Variants in RNLS observed in about 807,000 individuals in gnomAD.
The protein encoded by RNLS is renalase, FAD dependent amine oxidase.
A neutral mutation model predicts 39.8 loss-of-function variants in RNLS; 39 were observed. That is an observed-to-expected ratio of 0.98 (90% CI 0.76 to 1.28). The LOEUF is 1.28. Ranked by LOEUF, RNLS falls within the 50% of genes most tolerant of loss-of-function variation. RNLS has a pLI of 0.00. For synonymous variants in RNLS, 147 were observed against 150.7 expected, an observed-to-expected ratio of 0.98 and a Z score of 0.18; for missense variants, 410 against 413.3, an observed-to-expected ratio of 0.99 and a Z score of 0.07.
chr10:88,428,639 G>A (rs1232216272), intron 4 of RNLS, among the ~76,000 whole-genome samples: 1 of 151,570 alleles, frequency 6.6e-6, no homozygotes, highest in Non-Finnish European at 1.5e-5. Context: ...GATTGCCAGA[G>A]ATCCATTACT....
At chr10:88,447,081 C>A (rs1400922033) in intron 4 of RNLS, among the ~76,000 whole-genome samples, 1 of 152,226 alleles carries the variant, frequency 6.6e-6, no homozygotes, top group Non-Finnish European at 1.5e-5. Flanking sequence ...AAACTGGAAG[C>A]ATTCCCTTTG....
intron 4 of RNLS, among the ~76,000 whole-genome samples, chr10:88,422,170 T>C (rs947647218): frequency 6.6e-6 from 1 of 152,212 alleles, no homozygotes. Context: ...CATTAAATGA[T>C]AGCTCCAAAT....
At chr10:88,511,660 T>C (rs754812370) in intron 4 of RNLS, among the ~76,000 whole-genome samples, 2 of 151,866 alleles carry the variant, frequency 1.3e-5, no homozygotes, top group Non-Finnish European at 2.9e-5. Flanking sequence ...CAAGAGAAGT[T>C]AAGAAGGATG....
chr10:88,530,867 C>T (rs1222321467), intron 4 of RNLS, among the ~76,000 whole-genome samples: 1 of 151,866 alleles, frequency 6.6e-6, no homozygotes, highest in African/African-American at 2.4e-5. Flanking sequence ...ACATGCCAAA[C>T]GAATGAACAA....
downstream of RNLS, among the ~76,000 whole-genome samples, chr10:88,281,840 T>G (rs1843020518): frequency 6.6e-6 from 1 of 152,048 alleles, no homozygotes; most frequent in Non-Finnish European, 1.5e-5. Flanking sequence ...TGCATTCATA[T>G]TCCCGGTTTT....
chr10:88,303,220 G>A (rs1014849235), intron 6 of RNLS, among the ~76,000 whole-genome samples: 4 of 152,258 alleles, frequency 2.6e-5, no homozygotes, highest in African/African-American at 7.2e-5. Context: ...GGTAGGGGCA[G>A]CAAGCCAGCT....
At chr10:88,294,959 A>G (rs909405599) in intron 6 of RNLS, among the ~76,000 whole-genome samples, 2 of 151,758 alleles carry the variant, frequency 1.3e-5, no homozygotes, top group Non-Finnish European at 2.9e-5. Context: ...GCTATTAACC[A>G]CCTTCTCTTT....
chr10:88,364,714 G>C (rs1345875051), intron 4 of RNLS, among the ~76,000 whole-genome samples: 2 of 151,998 alleles, frequency 1.3e-5, no homozygotes, highest in Admixed American at 1.3e-4. Context: ...CTTATTAAAA[G>C]CTGTAACTAC....
chr10:88,298,807 CA>C (rs1844287569), intron 6 of RNLS, among the ~76,000 whole-genome samples: 1 of 152,060 alleles, frequency 6.6e-6, no homozygotes, highest in Non-Finnish European at 1.5e-5. Context: ...TTTTGGCTAT[CA>C]GGGGGTCCTT....
chr10:88,237,439 G>T, the RNLS span, among the ~76,000 whole-genome samples: 2 of 152,092 alleles, frequency 1.3e-5, no homozygotes, highest in African/African-American at 2.4e-5. Context: ...TGGATGTCAT[G>T]AGCCTATTAG....
the RNLS span, among the ~76,000 whole-genome samples, chr10:88,180,338 G>T: frequency 6.6e-6 from 1 of 152,176 alleles, no homozygotes; most frequent in African/African-American, 2.4e-5. Flanking sequence ...GCTGTAGAGA[G>T]TCAGTGAGAT....
intron 4 of RNLS, among the ~76,000 whole-genome samples, chr10:88,571,088 A>G (rs1418973035): frequency 6.6e-6 from 1 of 151,524 alleles, no homozygotes; most frequent in Non-Finnish European, 1.5e-5. Context: ...GGCTTAGGCA[A>G]TTCCCCGCCT....
At chr10:88,389,504 G>T (rs374912605) in intron 4 of RNLS, among the ~76,000 whole-genome samples, 2 of 152,106 alleles carry the variant, frequency 1.3e-5, no homozygotes, top group Admixed American at 6.6e-5. Flanking sequence ...TTGGTCAAAG[G>T]TATTGCTGCT....
chr10:88,481,743 C>A (rs1405860545), intron 4 of RNLS, among the ~76,000 whole-genome samples: 3 of 152,024 alleles, frequency 2.0e-5, no homozygotes, highest in Admixed American at 6.6e-5. Context: ...AAATACAGAG[C>A]CTTTTATATT....
intron 6 of RNLS, among the ~76,000 whole-genome samples, chr10:88,306,024 T>C (rs1844890945): frequency 6.6e-6 from 1 of 152,144 alleles, no homozygotes; most frequent in Non-Finnish European, 1.5e-5. Context: ...ACTAAGACAT[T>C]CACTCAAAAC....
At chr10:88,519,702 CTG>C (rs1564867376) in intron 4 of RNLS, among the ~76,000 whole-genome samples, 4 of 148,092 alleles carry the variant, frequency 2.7e-5, no homozygotes, top group Non-Finnish European at 6.0e-5. Flanking sequence ...AGATATATAT[CTG>C]ATATATATCA....
intron 4 of RNLS, among the ~76,000 whole-genome samples, chr10:88,540,909 T>C (rs1162787275): frequency 6.6e-6 from 1 of 151,542 alleles, no homozygotes; most frequent in African/African-American, 2.4e-5. Flanking sequence ...AACTGAGTTG[T>C]GGAAACTCCA....
At chr10:88,346,820 T>C (rs1848341266) in intron 5 of RNLS, among the ~76,000 whole-genome samples, 1 of 152,176 alleles carries the variant, frequency 6.6e-6, no homozygotes, top group Non-Finnish European at 1.5e-5. Flanking sequence ...ACATGTGTGA[T>C]GGATTGTGGC....
intron 4 of RNLS, among the ~76,000 whole-genome samples, chr10:88,502,915 C>CT (rs371643040): frequency 3.4e-5 from 5 of 148,528 alleles, no homozygotes; most frequent in Non-Finnish European, 7.4e-5. Context: ...GTTTTTTTTT[C>CT]TTTTTATCTT....
Sources: gnomAD v4.1 joint callset for allele counts (sites outside exome capture counted in the v4.1 genomes callset) on GRCh38, gnomAD v4.1.1 for gene constraint, MANE v1.5 for transcripts, NCBI Gene and HGNC (gene_info 2026-07-23, HGNC 2026-07-21) for gene names.